The following PRKAG2 variants were observed in gnomAD, a reference collection of about 807,000 sequenced individuals.
PRKAG2 encodes protein kinase AMP-activated non-catalytic subunit gamma 2.
Under a neutral mutation model 69.6 loss-of-function variants are expected in PRKAG2, and 26 were observed. The ratio of observed to expected loss-of-function variants is 0.37; its 90% CI spans 0.27 to 0.52. The LOEUF is 0.52. Ranked by LOEUF, PRKAG2 falls within the 20% of genes least tolerant of loss-of-function variation. PRKAG2 has a pLI of 0.90. For missense variants in PRKAG2, 557 were observed against 740.0 expected, an observed-to-expected ratio of 0.75 and a Z score of 2.87; for synonymous variants, 293 against 285.0, an observed-to-expected ratio of 1.03 and a Z score of -0.28.
intron 3 of PRKAG2, among the ~76,000 whole-genome samples, chr7:151,701,040 G>A (rs530759944): frequency 2.6e-5 from 4 of 152,168 alleles, no homozygotes; most frequent in African/African-American, 2.4e-5. Flanking sequence ...CCCAGCAGAC[G>A]CCTGTCCTCT....
chr7:151,855,276 ACACACACCACCCTC>A (rs1563757149), intron 1 of PRKAG2, among the ~76,000 whole-genome samples: 6 of 90,754 alleles, frequency 6.6e-5, no homozygotes, highest in Non-Finnish European at 1.2e-4. Flanking sequence ...ACCACCCTCC[ACACACACCACCCTC>A]CACACACCAC....
intron 3 of PRKAG2, among the ~76,000 whole-genome samples, chr7:151,700,284 C>A (rs1837454444): frequency 2.0e-5 from 3 of 152,130 alleles, no homozygotes; most frequent in African/African-American, 7.2e-5. Context: ...AGAGCCCAGC[C>A]CTCGTGGAGC....
chr7:151,760,487 G>A (rs1036859409), intron 3 of PRKAG2, among the ~76,000 whole-genome samples: 1 of 152,056 alleles, frequency 6.6e-6, no homozygotes, highest in African/African-American at 2.4e-5. Flanking sequence ...GCCCACCTCG[G>A]CCTGGCCTCC....
intron 3 of PRKAG2, among the ~76,000 whole-genome samples, chr7:151,773,781 C>A (rs1039015035): frequency 6.6e-6 from 1 of 152,162 alleles, no homozygotes; most frequent in African/African-American, 2.4e-5. Context: ...CTTGCAAAAT[C>A]TTTTGAAGCT....
chr7:151,607,141 T>C (rs1039334891), intron 5 of PRKAG2, among the ~76,000 whole-genome samples: 1 of 152,238 alleles, frequency 6.6e-6, no homozygotes, highest in African/African-American at 2.4e-5. Context: ...ATTAAAGTGT[T>C]TAATTCATAA....
chr7:151,662,394 T>C (rs1168585998), intron 4 of PRKAG2, among the ~76,000 whole-genome samples: 1 of 152,194 alleles, frequency 6.6e-6, no homozygotes, highest in Non-Finnish European at 1.5e-5. Flanking sequence ...CTTCCTTTCA[T>C]GCCAGAAACT....
chr7:151,833,957 G>T (rs2079093440), intron 1 of PRKAG2, among the ~76,000 whole-genome samples: 1 of 152,226 alleles, frequency 6.6e-6, no homozygotes, highest in South Asian at 2.1e-4. Flanking sequence ...CCTTCCTCTA[G>T]GAGAAGGCCC....
chr7:151,860,321 A>C (rs529571270), intron 1 of PRKAG2, among the ~76,000 whole-genome samples: 2 of 152,222 alleles, frequency 1.3e-5, no homozygotes, highest in African/African-American at 4.8e-5. Context: ...AGAGAACCAG[A>C]ACTTCTTGCA....
At chr7:151,618,448 C>T (rs745664675) in intron 5 of PRKAG2, among the ~76,000 whole-genome samples, 23 of 144,864 alleles carry the variant, frequency 1.6e-4, no homozygotes, top group Admixed American at 9.6e-4. Flanking sequence ...AGCAAGACTC[C>T]GTCTCAAAAT....
intron 1 of PRKAG2, among the ~76,000 whole-genome samples, chr7:151,822,575 G>A (rs537636490): frequency 7.2e-5 from 11 of 152,344 alleles, no homozygotes; most frequent in Middle Eastern, 6.8e-3. Context: ...CAAGGGCCAG[G>A]AGGCGAGGGG....
At chr7:151,797,179 A>C (rs1003267401) in intron 1 of PRKAG2, among the ~76,000 whole-genome samples, 1 of 151,912 alleles carries the variant, frequency 6.6e-6, no homozygotes, top group South Asian at 2.1e-4. Flanking sequence ...CAGAGGCCCA[A>C]ATGGCCCTGG....
intron 15 of PRKAG2, 193 bp from the exon 16 acceptor site, chr7:151,557,425 G>GT: frequency 1.0e-6 from 1 of 985,152 alleles, no homozygotes; most frequent in East Asian, 1.1e-4. Flanking sequence ...TTGGATCCAC[G>GT]TAACATCTTG....
At chr7:151,761,978 A>C (rs1173093813) in intron 3 of PRKAG2, among the ~76,000 whole-genome samples, 1 of 152,152 alleles carries the variant, frequency 6.6e-6, no homozygotes, top group Non-Finnish European at 1.5e-5. Context: ...TCTCCCATTC[A>C]CTGGCATGTG....
chr7:151,632,004 G>A lies in PRKAG2; in HGVS notation c.754+65C>T. 1.7e-6 allele frequency: 2 copies of A among 1,184,498 alleles called. No individual in the cohort carries two copies. The highest frequency in any genetic ancestry group is 2.1e-6 in the Non-Finnish European group (2 of 955,046). The allele number at this position is 1,184,498 out of a possible 1,614,324, so 73.4% of individuals were successfully genotyped here. A position where few individuals can be genotyped will look rare whatever the true frequency, so the allele number is the denominator to read the frequency against. On this transcript the variant is annotated intron_variant, in intron 5 of 15. Coordinates refer to ENST00000287878, the MANE Select transcript of PRKAG2 (RefSeq NM_016203.4). The surrounding 1 kb of genome is among the most constrained non-coding windows in gnomAD (Gnocchi z 4.2). ...GGAGATGGGGCGCGGGGTCCCCGCGGGTCCCGGTCCTCGGGCGGCCGGGCC... is the reference window on the plus strand; with the variant it reads ...GGAGATGGGGCGCGGGGTCCCCGCGAGTCCCGGTCCTCGGGCGGCCGGGCC...
chr7:151,576,326 T>C, intron 7 of PRKAG2, 45 bp downstream of exon 7: 1 of 1,476,766 alleles, frequency 6.8e-7, no homozygotes, highest in Non-Finnish European at 9.4e-7. Flanking sequence ...GCTTTCTGCT[T>C]TCAAGGTTTC....
intron 3 of PRKAG2, among the ~76,000 whole-genome samples, chr7:151,712,361 C>T (rs1795465121): frequency 6.6e-6 from 1 of 152,212 alleles, no homozygotes; most frequent in African/African-American, 2.4e-5. Context: ...GGGGTGGCCA[C>T]CGCAGGAGAC....
intron 8 of PRKAG2, among the ~76,000 whole-genome samples, chr7:151,573,928 G>A (rs1295338948): frequency 1.3e-5 from 2 of 151,978 alleles, no homozygotes; most frequent in African/African-American, 2.4e-5. Context: ...ACAGATGCCC[G>A]CTGCCACACC....
intron 6 of PRKAG2, among the ~76,000 whole-genome samples, chr7:151,586,386 G>A (rs925491035): frequency 2.6e-5 from 4 of 152,088 alleles, no homozygotes; most frequent in Admixed American, 6.5e-5. Context: ...AATCTCAGCT[G>A]GGATTGATAC....
intron 5 of PRKAG2, among the ~76,000 whole-genome samples, chr7:151,597,955 C>T (rs747133978): frequency 4.6e-5 from 7 of 152,166 alleles, no homozygotes; most frequent in African/African-American, 1.4e-4. Flanking sequence ...ATCCCACTAC[C>T]GGGTATATAC....
Sources: gnomAD v4.1 joint callset for allele counts (sites outside exome capture counted in the v4.1 genomes callset) on GRCh38, gnomAD v4.1.1 for gene constraint, Gnocchi (gnomAD v3.1) non-coding constraint, MANE v1.5 for transcripts, NCBI Gene and HGNC (gene_info 2026-07-23, HGNC 2026-07-21) for gene names.